The following PON1 variants were observed in gnomAD, a reference collection of about 807,000 sequenced individuals.
PON1 encodes the protein serum paraoxonase/arylesterase 1.
PON1 carries 37 observed loss-of-function variants against 39.2 expected under a neutral mutation model. The observed-to-expected ratio is 0.94, with a 90% confidence interval of 0.73 to 1.24. PON1 has a LOEUF of 1.24. Ranked by LOEUF, PON1 falls within the 50% of genes most tolerant of loss-of-function variation. PON1 has a pLI of 0.00. For missense variants in PON1, 397 were observed against 413.5 expected (o/e 0.96, Z 0.35); for synonymous variants, 148 against 152.2 (o/e 0.97, Z 0.21).
intron 1 of PON1, among the ~76,000 whole-genome samples, chr7:95,323,521 A>G (rs1807945877): frequency 6.6e-6 from 1 of 152,118 alleles, no homozygotes; most frequent in South Asian, 2.1e-4. Flanking sequence ...TTTAATTTTT[A>G]TTAGGTTTTA....
chr7:95,312,849 C>T (rs1188655614), intron 4 of PON1, among the ~76,000 whole-genome samples: 2 of 152,020 alleles, frequency 1.3e-5, no homozygotes, highest in African/African-American at 4.8e-5. Flanking sequence ...GCAGAACTTC[C>T]TGGACATATT....
At chr7:95,306,446 C>G in intron 6 of PON1, 80 bp from the exon 7 acceptor site, 1 of 1,010,272 alleles carries the variant, frequency 9.9e-7, no homozygotes, top group Non-Finnish European at 1.6e-6. Context: ...AATACCTATT[C>G]ATAGGGAAGA....
rs1176700490 is a variant in PON1 at position 95,299,114 on chromosome 7, A to T, written c.910-12T>A. On this transcript the variant is annotated splice_polypyrimidine_tract_variant and intron_variant, in intron 8 of 8. Transcript: ENST00000222381. ...TGGATTCGAAGCACCTGTGGAAGAAATAACATTGGGTTAATATTTTTGTTA... is the reference window on the plus strand; with the variant it reads ...TGGATTCGAAGCACCTGTGGAAGAATTAACATTGGGTTAATATTTTTGTTA... The T allele has an allele frequency of 1.2e-6, 2 of 1,613,096 alleles. No individual in the cohort carries two copies.
intron 6 of PON1, among the ~76,000 whole-genome samples, chr7:95,307,205 G>A (rs1373000121): frequency 1.3e-5 from 2 of 152,016 alleles, no homozygotes; most frequent in East Asian, 3.9e-4. Context: ...GATTACAGGA[G>A]TGCGCCACCA....
At position 95,297,979 on chromosome 7, in the gene PON1, G is replaced by GTAGA. The variant is rs1449484212; in HGVS notation, c.*961_*964dup. ...ATGTTTTCTTCCTAGTCATGTCTCAGTAGATAGCCAAAGGGGTTGTTGATC... is the reference window on the plus strand; with the variant it reads ...ATGTTTTCTTCCTAGTCATGTCTCAGTAGATAGATAGCCAAAGGGGTTGTTGATC... On this transcript the variant is annotated 3_prime_UTR_variant, in exon 9 of 9. Transcript: ENST00000222381. The GTAGA allele has an allele frequency of 8.5e-5, 13 of 152,232 alleles. No homozygotes were observed. Among genetic ancestry groups the GTAGA allele is most frequent in the African/African-American group, 2.4e-4 (10 of 41,548 alleles). The allele number at this position is 152,232 out of a possible 1,614,324, so 9.4% of individuals were successfully genotyped here.
At position 95,318,325 on chromosome 7, in the gene PON1, A is replaced by T. The variant is rs1807816730; in HGVS notation, c.143T>A (p.Ile48Asn). ...CCTTCTTCCTCTCACATACATACCG[A>T]TTCCTTTAACTAAATTACAGTTAGG... ...ELPNCNLVKG[I>N]ETGSEDLEIL... The change falls in exon 2 of 9, where the codon ATC (isoleucine) becomes AAC (asparagine). Residue 48 changes from isoleucine to asparagine, a missense_variant and splice_region_variant. By Grantham distance (149) the Ile-to-Asn change is moderately radical. Coordinates refer to ENST00000222381, the MANE Select transcript of PON1 (RefSeq NM_000446.7). The T allele has an allele frequency of 6.2e-7, 1 of 1,603,704 alleles. No individual in the cohort carries two copies. Among genetic ancestry groups the T allele is most frequent in the Admixed American group, 1.7e-5 (1 of 59,978 alleles).
chr7:95,315,916 G>A (rs1807757794), intron 3 of PON1, among the ~76,000 whole-genome samples: 1 of 152,226 alleles, frequency 6.6e-6, no homozygotes, highest in African/African-American at 2.4e-5. Context: ...TGGTGGGCCA[G>A]AGGAACTACT....
rs1381122051 is a variant in PON1, at chr7:95,297,936, T to TAAC, written c.*1005_*1007dup. ...TGTAACCTTTATATATCAGTTTCTA[T>TAAC]AACAAAATGATAAAGTCATGTTTTC... On this transcript the variant is annotated 3_prime_UTR_variant, in exon 9 of 9. Coordinates refer to ENST00000222381, the MANE Select transcript of PON1 (RefSeq NM_000446.7). The TAAC allele has an allele frequency of 1.3e-5, 2 of 152,224 alleles. No individual in the cohort carries two copies. Among genetic ancestry groups the TAAC allele is most frequent in the South Asian group, 2.1e-4 (1 of 4,828 alleles). The allele number at this position is 152,224 out of a possible 1,614,324, so 9.4% of individuals were successfully genotyped here.
intron 8 of PON1, among the ~76,000 whole-genome samples, chr7:95,300,168 C>T (rs968583866): frequency 3.3e-5 from 5 of 152,112 alleles, no homozygotes; most frequent in African/African-American, 9.7e-5. Flanking sequence ...ATGAAATAGC[C>T]AATATCTGAT....
chr7:95,314,326 C>T (rs1189116109), intron 4 of PON1, among the ~76,000 whole-genome samples: 3 of 151,826 alleles, frequency 2.0e-5, no homozygotes, highest in Admixed American at 1.3e-4. Flanking sequence ...CGCCACTGCA[C>T]TCCAGCCTGG....
intron 2 of PON1, 108 bp downstream of exon 2, chr7:95,318,215 G>T: frequency 2.2e-6 from 2 of 922,516 alleles, no homozygotes; most frequent in Non-Finnish European, 3.5e-6. Flanking sequence ...TGACTCTCCT[G>T]ATTCAAAATT....
intron 5 of PON1, among the ~76,000 whole-genome samples, chr7:95,309,621 A>G (rs1214996298): frequency 6.6e-6 from 1 of 152,142 alleles, no homozygotes; most frequent in Non-Finnish European, 1.5e-5. Context: ...ACTGCTTGCT[A>G]TCCTTATAAT....
At chr7:95,321,932 C>A (rs1425404675) in intron 1 of PON1, among the ~76,000 whole-genome samples, 1 of 152,106 alleles carries the variant, frequency 6.6e-6, no homozygotes, top group African/African-American at 2.4e-5. Context: ...AGTTTTTGTT[C>A]TTTTGCTCCC....
chr7:95,308,033 T>C lies in PON1; in HGVS notation c.676A>G (p.Ile226Val), dbSNP rs1807575866. Residue 226 changes from isoleucine to valine, a missense_variant, in exon 6 of 9, where the codon ATC (isoleucine) becomes GTC (valine). By Grantham distance (29) the Ile-to-Val change is conservative. Transcript: ENST00000222381. ...VAEGFDFANGINISPDGKYVY... is the reference protein window; with the variant it reads ...VAEGFDFANGVNISPDGKYVY... ...TACTTGCCATCGGGTGAAATGTTGA[T>C]TCCATTAGCAAAATCAAATCCTTCT... 3 of 1,614,084 alleles carry C rather than the reference T, an allele frequency of 1.9e-6. No homozygotes were observed. Among genetic ancestry groups the C allele is most frequent in the East Asian group, 2.2e-5 (1 of 44,872 alleles).
intron 3 of PON1, among the ~76,000 whole-genome samples, chr7:95,315,872 G>A (rs889700772): frequency 6.6e-6 from 1 of 152,156 alleles, no homozygotes. Flanking sequence ...CTGTTCCCTG[G>A]TAGGTCCTTG....
chr7:95,324,183 A>G (rs953038745), intron 1 of PON1, among the ~76,000 whole-genome samples: 1 of 152,212 alleles, frequency 6.6e-6, no homozygotes, highest in Admixed American at 6.5e-5. Context: ...ACCCCTGGCA[A>G]TTGCCTCCTT....
At chr7:95,320,915 G>T (rs773620486) in intron 1 of PON1, among the ~76,000 whole-genome samples, 4 of 152,180 alleles carry the variant, frequency 2.6e-5, no homozygotes, top group Non-Finnish European at 5.9e-5. Context: ...AGTCTGCTTT[G>T]TGTCACTCTA....
chr7:95,313,710 T>C (rs1807705905), intron 4 of PON1, among the ~76,000 whole-genome samples: 1 of 151,466 alleles, frequency 6.6e-6, no homozygotes, highest in Non-Finnish European at 1.5e-5. Context: ...ACTTTCAACA[T>C]TTTGAGTTTA....
rs1807655703 is a variant in PON1, at chr7:95,311,563, G to A, written c.385C>T (p.Leu129Phe). ...GCATCTGGATGGTTCACCACCAGGA[G>A]GTACATGGCATTATCTGAGAGGAGA... Reference protein sequence around the residue: ...TFTDEDNAMYLLVVNHPDAKS... With the variant: ...TFTDEDNAMYFLVVNHPDAKS... Residue 129 changes from leucine to phenylalanine, a missense_variant, in exon 5 of 9, where the codon CTC becomes TTC. By Grantham distance (22) the Leu-to-Phe change is conservative. Transcript: ENST00000222381. 1.9e-6 allele frequency: 3 copies of A among 1,613,864 alleles called. No homozygotes were observed. The South Asian group carries it at 3.3e-5, about 18-fold the overall frequency.
Sources: allele counts gnomAD v4.1 joint callset (sites outside exome capture counted in the v4.1 genomes callset), GRCh38; gene constraint gnomAD v4.1.1; transcripts MANE v1.5; gene names NCBI Gene and HGNC (gene_info 2026-07-23, HGNC 2026-07-21).